Variants in TM6SF2 observed in about 807,000 individuals in gnomAD.
The protein encoded by TM6SF2 is transmembrane 6 superfamily member 2.
TM6SF2 carries 29 observed loss-of-function variants against 41.0 expected under a neutral mutation model. The observed-to-expected ratio is 0.71, with a 90% CI of 0.53 to 0.96. The LOEUF is 0.96. TM6SF2 is among the 50% of genes least tolerant of loss of function. The probability of loss-of-function intolerance (pLI) is 0.00; values close to 1 mark genes in which losing one functional copy is unlikely to be tolerated. For missense variants in TM6SF2, 475 were observed against 499.0 expected (o/e 0.95, Z 0.46); for synonymous variants, 200 against 209.1 (o/e 0.96, Z 0.37).
At position 19,267,700 on chromosome 19, in the gene TM6SF2, C is replaced by CA. The variant is rs2061008255; in HGVS notation, c.724dup (p.Cys242LeufsTer14). 1 of 1,613,564 alleles carries CA rather than the reference C, an allele frequency of 6.2e-7. No individual in the cohort carries two copies. The highest frequency in any genetic ancestry group is 8.5e-7 in the Non-Finnish European group (1 of 1,179,864). On this transcript the variant is annotated frameshift_variant, in exon 8 of 10. Transcript: ENST00000389363. LOFTEE classifies it high-confidence loss of function. ...ATAGACAAAGCAGGCATCTGTGGGGCAATCAAGCACCACCTGGAGCAGACA... is the reference window on the plus strand; with the variant it reads ...ATAGACAAAGCAGGCATCTGTGGGGCAAATCAAGCACCACCTGGAGCAGACA...
chr19:19,268,612 G>A lies in TM6SF2; in HGVS notation c.609+18C>T. ...TCAGGCACATTGGGACAAGGCCTAA[G>A]AGGGGTAAGGCACTCACCATGTTGG... On this transcript the variant is annotated intron_variant, in intron 6 of 9. Transcript: ENST00000389363. The A allele has an allele frequency of 6.4e-7, 1 of 1,560,986 alleles. No individual in the cohort carries two copies. The highest frequency in any genetic ancestry group is 2.2e-5 in the Admixed American group (1 of 45,700).
intron 4 of TM6SF2, 77 bp downstream of exon 4, chr19:19,270,096 A>C (rs1404509126): frequency 6.3e-7 from 1 of 1,588,032 alleles, no homozygotes. Flanking sequence ...TTCTGGCTCC[A>C]CCCTGCCCTG....
At chr19:19,267,861 C>A in intron 7 of TM6SF2, 125 bp downstream of exon 7, 2 of 1,071,340 alleles carry the variant, frequency 1.9e-6, no homozygotes, top group Non-Finnish European at 2.8e-6. Flanking sequence ...TGTCATGGAA[C>A]ACTCAGGTTA....
intron 1 of TM6SF2, among the ~76,000 whole-genome samples, chr19:19,272,052 G>A (rs2061026008): frequency 6.6e-6 from 1 of 152,026 alleles, no homozygotes; most frequent in African/African-American, 2.4e-5. Context: ...GCCCTGATCT[G>A]CACCCACAAC....
intron 8 of TM6SF2, 146 bp from the exon 9 acceptor site, chr19:19,266,755 A>G: frequency 1.0e-6 from 1 of 953,518 alleles, no homozygotes; most frequent in African/African-American, 1.7e-5. Context: ...GTGCTCCTCT[A>G]TTTCCCTTGG....
chr19:19,264,741 G>A lies in TM6SF2; in HGVS notation c.1057C>T (p.Arg353Cys), dbSNP rs1340544178. The A allele has an allele frequency of 7.5e-6, 12 of 1,605,932 alleles. No individual in the cohort carries two copies. The highest frequency in any genetic ancestry group is 6.7e-5 in the African/African-American group (5 of 74,510). Residue 353 changes from arginine to cysteine, a missense_variant, in exon 10 of 10, where the codon CGT becomes TGT. Arg to Cys is a radical substitution (Grantham distance 180, BLOSUM62 -3). Around this residue, in one of 3 missense-constraint regions of TM6SF2, gnomAD observed 190 missense variants for 190.2 expected, o/e 1.00. Coordinates refer to ENST00000389363, the MANE Select transcript of TM6SF2 (RefSeq NM_001001524.3). ...AAGAATGCGGGCCACTGAAGGCAAC[G>A]GTAGGCCAGCAGGTGGGGGCCCAGC... is the stretch of plus-strand genomic sequence containing the variant. Reference protein sequence around the residue: ...YALGPHLLAYRCLQWPAFFHQ... With the variant: ...YALGPHLLAYCCLQWPAFFHQ...
At position 19,271,123 on chromosome 19, in the gene TM6SF2, G is replaced by A. The variant is rs1480222414; in HGVS notation, c.98C>T (p.Pro33Leu). 1.2e-6 allele frequency: 2 copies of A among 1,613,650 alleles called. No homozygotes were observed. Among genetic ancestry groups the A allele is most frequent in the Admixed American group, 1.7e-5 (1 of 60,018 alleles). Residue 33 changes from proline to leucine, a missense_variant and splice_region_variant, in exon 2 of 10, where the codon CCC becomes CTC. Pro to Leu is a moderately conservative substitution (Grantham distance 98). This residue lies in a region of TM6SF2 where 238 missense variants were observed against 228.6 expected (regional missense o/e 1.04). Transcript: ENST00000389363. ...ALNHVSALSH[P>L]LWVALMSALI... ...GGCGCTCATCAATGCCACCCACAGG[G>A]GGCTGTGGAGAGGGAAGCCAAGTCA...
At chr19:19,273,061 T>TGGCCCCCC in intron 1 of TM6SF2, 60 bp downstream of exon 1, 14 of 305,466 alleles carry the variant, frequency 4.6e-5, no homozygotes, top group East Asian at 8.6e-5. Context: ...CCTCCAGTCC[T>TGGCCCCCC]CCCCGCCCCC....
chr19:19,270,228 C>T lies in TM6SF2; in HGVS notation c.346G>A (p.Asp116Asn). ...TAHGVFICYWDGTVHYLLYLA... is the reference protein window; with the variant it reads ...TAHGVFICYWNGTVHYLLYLA... ...TAGAGGAGGTAGTGAACAGTGCCAT[C>T]CCAGTAGCAGATGAAGACTCCGTGC... The change falls in exon 4 of 10, where the codon GAT becomes AAT. Residue 116 changes from aspartate (D) to asparagine (N), a missense_variant. This residue lies in a region of TM6SF2 where 238 missense variants were observed against 228.6 expected (regional missense o/e 1.04). Coordinates refer to ENST00000389363, the MANE Select transcript of TM6SF2 (RefSeq NM_001001524.3). 1.2e-6 allele frequency: 2 copies of T among 1,614,196 alleles called. No individual in the cohort carries two copies. The highest frequency in any genetic ancestry group is 1.3e-5 in the African/African-American group (1 of 75,084).
chr19:19,265,402 C>T (rs544964882), intron 9 of TM6SF2, among the ~76,000 whole-genome samples: 1,865 of 125,302 alleles, frequency 0.015, 36 homozygotes, highest in African/African-American at 0.058. Context: ...ATCTATCTAT[C>T]TATCCATCCA....
intron 7 of TM6SF2, 33 bp downstream of exon 7, chr19:19,267,953 A>AGGGCAG: frequency 7.0e-7 from 1 of 1,432,194 alleles, no homozygotes; most frequent in Non-Finnish European, 9.7e-7. Flanking sequence ...GACTGGTGGC[A>AGGGCAG]GGGGAGGGGG....
At chr19:19,267,916 T>C in intron 7 of TM6SF2, 70 bp downstream of exon 7, 1 of 1,263,640 alleles carries the variant, frequency 7.9e-7, no homozygotes. Context: ...GGAAGGGCAG[T>C]GTGGGAGAGG....
At chr19:19,265,393 TC>T (rs1568611095) in intron 9 of TM6SF2, among the ~76,000 whole-genome samples, 6 of 132,900 alleles carry the variant, frequency 4.5e-5, no homozygotes, top group African/African-American at 1.2e-4. Context: ...TATCTATCTA[TC>T]TATCTATCTA....
At chr19:19,265,406 C>CTAT (rs78009375) in intron 9 of TM6SF2, among the ~76,000 whole-genome samples, 12,146 of 105,998 alleles carry the variant, frequency 0.11, 589 homozygotes, top group Middle Eastern at 0.2. Flanking sequence ...ATCTATCTAT[C>CTAT]CATCCATCCA....
In TM6SF2 at chr19:19,264,782, C is replaced by T. The variant is rs774425469; in HGVS notation, c.1016G>A (p.Cys339Tyr). Reference protein sequence around the residue: ...PEDTWGCFFVCNLLYALGPHL... With the variant: ...PEDTWGCFFVYNLLYALGPHL... ...GGGGCCCAGCGCATACAGCAGATTG[C>T]ACACGAAGAAGCAGCCCCAGGTGTC... The change falls in exon 10 of 10, where the codon TGC becomes TAC. Residue 339 changes from cysteine (C) to tyrosine (Y), a missense_variant. Coordinates refer to ENST00000389363, the MANE Select transcript of TM6SF2 (RefSeq NM_001001524.3). The T allele has an allele frequency of 8.7e-6, 14 of 1,610,430 alleles. No individual in the cohort carries two copies. The highest frequency in any genetic ancestry group is 7.6e-6 in the Non-Finnish European group (9 of 1,178,524).
chr19:19,266,827 G>A, intron 8 of TM6SF2: 2 of 495,660 alleles, frequency 4.0e-6, no homozygotes, highest in Non-Finnish European at 7.2e-6. Flanking sequence ...TCTGAAAGTG[G>A]CATGCGACCC....
chr19:19,272,470 G>A (rs1489533316), intron 1 of TM6SF2, among the ~76,000 whole-genome samples: 1 of 152,192 alleles, frequency 6.6e-6, no homozygotes, highest in African/African-American at 2.4e-5. Context: ...CAGGCTCATG[G>A]TTAAGACTCT....
chr19:19,268,758 C>G lies in TM6SF2; in HGVS notation c.485-4G>C. 1 of 1,599,728 alleles carries G rather than the reference C, an allele frequency of 6.3e-7. No homozygotes were observed. The highest frequency in any genetic ancestry group is 1.8e-5 in the Admixed American group (1 of 56,888). ...CTGATCTCGGAGCTGTATTTGCCTT[C>G]CATGGTGCAGGAGAGAGGGCATCAG... On this transcript the variant is annotated splice_polypyrimidine_tract_variant and splice_region_variant and intron_variant, in intron 5 of 9. Transcript: ENST00000389363.
chr19:19,268,617 G>T lies in TM6SF2; in HGVS notation c.609+13C>A, dbSNP rs182431997. 6.4e-7 allele frequency: 1 copy of T among 1,570,276 alleles called. No homozygotes were observed. The highest frequency in any genetic ancestry group is 1.2e-5 in the South Asian group (1 of 84,566). Reference sequence around the variant, plus strand: ...CACATTGGGACAAGGCCTAAGAGGGGTAAGGCACTCACCATGTTGGCGGTG... The same window carrying T: ...CACATTGGGACAAGGCCTAAGAGGGTTAAGGCACTCACCATGTTGGCGGTG... On this transcript the variant is annotated intron_variant, in intron 6 of 9. Coordinates refer to ENST00000389363, the MANE Select transcript of TM6SF2 (RefSeq NM_001001524.3).
Sources: gnomAD v4.1 joint callset for allele counts (sites outside exome capture counted in the v4.1 genomes callset) on GRCh38, gnomAD v4.1.1 for gene constraint, gnomAD v4.1.1 regional missense constraint, MANE v1.5 for transcripts, NCBI Gene and HGNC (gene_info 2026-07-23, HGNC 2026-07-21) for gene names.